Variants in GRIK2 observed in about 807,000 individuals in gnomAD.
The protein encoded by GRIK2 is glutamate ionotropic receptor kainate type subunit 2.
A neutral mutation model predicts 100.3 loss-of-function variants in GRIK2; 32 were observed. The ratio of observed to expected loss-of-function variants is 0.32; its 90% CI spans 0.24 to 0.43. The LOEUF (loss-of-function observed/expected upper bound fraction) is 0.43, where lower values mean the gene tolerates loss of function less well. Ranked by LOEUF, GRIK2 falls within the 20% of genes least tolerant of loss-of-function variation. The pLI, the probability that GRIK2 is intolerant of heterozygous loss-of-function variation, is 1.00. For synonymous variants in GRIK2, 417 were observed against 389.4 expected (o/e 1.07, Z -0.83); for missense variants, 843 against 1,114.9 (o/e 0.76, Z 3.47).
At chr6:101,418,825 A>G (rs927938362) in intron 2 of GRIK2, among the ~76,000 whole-genome samples, 3 of 152,184 alleles carry the variant, frequency 2.0e-5, no homozygotes, top group Non-Finnish European at 4.4e-5. Flanking sequence ...AAAATCCAAA[A>G]TAAAATGAGT....
At chr6:102,029,264 T>A (rs57238539) in intron 14 of GRIK2, among the ~76,000 whole-genome samples, 10,133 of 151,222 alleles carry the variant, frequency 0.067, 817 homozygotes, top group African/African-American at 0.19. Flanking sequence ...TCTACTTCAC[T>A]GAAAGACACT....
At chr6:101,785,019 T>C (rs981889089) in intron 7 of GRIK2, among the ~76,000 whole-genome samples, 3 of 152,230 alleles carry the variant, frequency 2.0e-5, no homozygotes, top group African/African-American at 7.2e-5. Context: ...GATATTTCAT[T>C]GTGGTTTTGA....
At chr6:101,682,167 A>G (rs762838976) in intron 5 of GRIK2, among the ~76,000 whole-genome samples, 1 of 152,190 alleles carries the variant, frequency 6.6e-6, no homozygotes, top group Non-Finnish European at 1.5e-5. Flanking sequence ...CTTTTTTCCT[A>G]ATTCAGTAAT....
chr6:101,866,434 T>C (rs2128446275), intron 11 of GRIK2, among the ~76,000 whole-genome samples: 1 of 152,256 alleles, frequency 6.6e-6, no homozygotes, highest in East Asian at 1.9e-4. Context: ...ACCCCATAAA[T>C]ATGTGAAATA....
intron 14 of GRIK2, among the ~76,000 whole-genome samples, chr6:101,989,313 CCACTT>C (rs1354612898): frequency 6.6e-6 from 1 of 151,640 alleles, no homozygotes; most frequent in African/African-American, 2.4e-5. Flanking sequence ...TGCAAATAGT[CCACTT>C]CACAGTAATT....
intron 2 of GRIK2, among the ~76,000 whole-genome samples, chr6:101,515,716 T>C (rs575585676): frequency 6.6e-6 from 1 of 152,292 alleles, no homozygotes; most frequent in East Asian, 1.9e-4. Flanking sequence ...TACATCTTCT[T>C]TTGAGAATTG....
At chr6:101,858,386 CTTTTTTTTTTT>C (rs780526806) in intron 10 of GRIK2, among the ~76,000 whole-genome samples, 1 of 91,654 alleles carries the variant, frequency 1.1e-5, no homozygotes, top group Non-Finnish European at 2.3e-5. Context: ...ATTTTTTTTT[CTTTTTTTTTTT>C]TTTTTTTTGA....
At chr6:101,977,165 T>A (rs913217067) in intron 14 of GRIK2, among the ~76,000 whole-genome samples, 23 of 151,872 alleles carry the variant, frequency 1.5e-4, no homozygotes, top group Admixed American at 1.4e-3. Flanking sequence ...ATTTATTATT[T>A]TTTTTTTACA....
intron 14 of GRIK2, among the ~76,000 whole-genome samples, chr6:101,999,573 C>T (rs1794824451): frequency 6.6e-6 from 1 of 151,952 alleles, no homozygotes; most frequent in Admixed American, 6.6e-5. Context: ...ATGTGTTAAG[C>T]TCTCTTATTA....
At chr6:102,063,927 G>A in intron 16 of GRIK2, 1 of 930,550 alleles carries the variant, frequency 1.1e-6, no homozygotes, top group Admixed American at 1.8e-5. Context: ...AATTATACAT[G>A]CTAACAGCTC....
chr6:101,926,492 TA>T (rs1005217081), intron 13 of GRIK2, among the ~76,000 whole-genome samples: 1 of 152,106 alleles, frequency 6.6e-6, no homozygotes, highest in Non-Finnish European at 1.5e-5. Flanking sequence ...ACTTATATTT[TA>T]AAAAAATATT....
intron 4 of GRIK2, among the ~76,000 whole-genome samples, chr6:101,631,889 T>G (rs574416481): frequency 2.1e-4 from 32 of 152,226 alleles, no homozygotes; most frequent in African/African-American, 7.5e-4. Context: ...TCTTAATAGC[T>G]TCTCATTCCT....
At chr6:101,520,759 C>T (rs1404105468) in intron 2 of GRIK2, among the ~76,000 whole-genome samples, 3 of 152,032 alleles carry the variant, frequency 2.0e-5, no homozygotes, top group Non-Finnish European at 4.4e-5. Context: ...ACCTCCTAAC[C>T]TCCTAAATAT....
chr6:101,708,553 C>T (rs999925765), intron 7 of GRIK2, among the ~76,000 whole-genome samples: 5 of 151,488 alleles, frequency 3.3e-5, no homozygotes, highest in Admixed American at 2.6e-4. Flanking sequence ...AATTTACCTT[C>T]TTTTAAAATT....
At chr6:101,833,675 CTTA>C (rs765692426) in intron 10 of GRIK2, among the ~76,000 whole-genome samples, 29 of 150,160 alleles carry the variant, frequency 1.9e-4, no homozygotes, top group African/African-American at 2.4e-5. Flanking sequence ...TCAAATTGTA[CTTA>C]TTATGATTAA....
At chr6:101,952,703 C>A (rs181334779) in intron 14 of GRIK2, among the ~76,000 whole-genome samples, 1 of 151,738 alleles carries the variant, frequency 6.6e-6, no homozygotes, top group African/African-American at 2.4e-5. Context: ...CCTGGGTTCA[C>A]GCCATTCTCC....
At chr6:101,817,720 T>C (rs1186282762) in intron 9 of GRIK2, among the ~76,000 whole-genome samples, 1 of 152,222 alleles carries the variant, frequency 6.6e-6, no homozygotes, top group East Asian at 1.9e-4. Context: ...TATCAGAAGA[T>C]ATTAGTTAAA....
At chr6:101,929,063 A>G (rs1790094029) in intron 14 of GRIK2, among the ~76,000 whole-genome samples, 1 of 152,198 alleles carries the variant, frequency 6.6e-6, no homozygotes, top group African/African-American at 2.4e-5. Context: ...GGCAAGATTT[A>G]AGGGCTGAAA....
intron 14 of GRIK2, chr6:101,993,299 C>A (rs1245050471): frequency 1.3e-5 from 2 of 148,368 alleles, no homozygotes; most frequent in Non-Finnish European, 3.0e-5. Flanking sequence ...ATCTTATTTA[C>A]ATTTTGGATA....
Sources: gnomAD v4.1 joint callset for allele counts (sites outside exome capture counted in the v4.1 genomes callset) on GRCh38, gnomAD v4.1.1 for gene constraint, MANE v1.5 for transcripts, NCBI Gene and HGNC (gene_info 2026-07-23, HGNC 2026-07-21) for gene names.